UNC5C: variants seen among roughly 807,000 people sequenced by gnomAD.
UNC5C encodes the protein unc-5 netrin receptor C, also known as netrin receptor UNC5C.
UNC5C carries 47 observed loss-of-function variants against 99.8 expected under a neutral mutation model. The observed-to-expected ratio is 0.47, with a 90% CI of 0.37 to 0.60. The LOEUF (loss-of-function observed/expected upper bound fraction) is 0.60, where lower values mean the gene tolerates loss of function less well. Ranked by LOEUF, UNC5C falls within the 20% of genes least tolerant of loss-of-function variation. The probability of loss-of-function intolerance (pLI) is 0.00; values close to 1 mark genes in which losing one functional copy is unlikely to be tolerated. For synonymous variants in UNC5C, 487 were observed against 452.2 expected, an observed-to-expected ratio of 1.08 and a Z score of -0.98; for missense variants, 1,062 against 1,165.9, an observed-to-expected ratio of 0.91 and a Z score of 1.30.
intron 4 of UNC5C, among the ~76,000 whole-genome samples, chr4:95,257,897 A>G (rs1740067748): frequency 6.6e-6 from 1 of 152,250 alleles, no homozygotes; most frequent in Non-Finnish European, 1.5e-5. Context: ...ATTGTGGCTT[A>G]GATAAAAATG....
chr4:95,547,036 G>C (rs2149498278), intron 1 of UNC5C, among the ~76,000 whole-genome samples: 1 of 152,036 alleles, frequency 6.6e-6, no homozygotes, highest in Non-Finnish European at 1.5e-5. Flanking sequence ...TATTCATAAG[G>C]TTGTTCACTT....
At chr4:95,268,013 G>C (rs1437627807) in intron 4 of UNC5C, among the ~76,000 whole-genome samples, 3 of 144,864 alleles carry the variant, frequency 2.1e-5, no homozygotes, top group African/African-American at 5.3e-5. Flanking sequence ...GCAGTGGCGC[G>C]ATCTCGGCTC....
intron 1 of UNC5C, among the ~76,000 whole-genome samples, chr4:95,419,787 A>G (rs1746266786): frequency 6.6e-6 from 1 of 152,046 alleles, no homozygotes; most frequent in South Asian, 2.1e-4. Context: ...GAACATTTAT[A>G]AAATAGCAAC....
intron 14 of UNC5C, among the ~76,000 whole-genome samples, chr4:95,170,644 G>A (rs1187492829): frequency 6.6e-6 from 1 of 152,172 alleles, no homozygotes; most frequent in East Asian, 1.9e-4. Context: ...GATTCTCCAG[G>A]CTGAGAGAGA....
chr4:95,269,873 C>T (rs1389637636), intron 4 of UNC5C, among the ~76,000 whole-genome samples: 3 of 151,930 alleles, frequency 2.0e-5, no homozygotes, highest in Admixed American at 6.6e-5. Flanking sequence ...CCACCACGCC[C>T]GGCTAATTTT....
chr4:95,284,830 T>C (rs898992766), intron 3 of UNC5C, among the ~76,000 whole-genome samples: 7 of 152,162 alleles, frequency 4.6e-5, no homozygotes, highest in Non-Finnish European at 1.0e-4. Flanking sequence ...CCAATGTGCG[T>C]ATTTACAAAA....
At chr4:95,303,038 G>A (rs1356734856) in intron 2 of UNC5C, among the ~76,000 whole-genome samples, 1 of 152,152 alleles carries the variant, frequency 6.6e-6, no homozygotes, top group Admixed American at 6.5e-5. Context: ...GGAGGGACAG[G>A]ACATATGGGA....
chr4:95,330,034 T>C (rs531018294), intron 2 of UNC5C, among the ~76,000 whole-genome samples: 1 of 152,310 alleles, frequency 6.6e-6, no homozygotes, highest in African/African-American at 2.4e-5. Flanking sequence ...CCTATCTTGT[T>C]ATATCAATTC....
In UNC5C at chr4:95,307,530, C is replaced by A. The variant is rs533858434; in HGVS notation, c.347-5781G>T. 3.8e-4 allele frequency among the ~76,000 whole-genome samples: 58 copies of A among 152,214 alleles called. No homozygotes were observed. The Middle Eastern group carries it at 0.01, about 27-fold the overall frequency. On this transcript the variant is annotated intron_variant, in intron 2 of 15. Transcript: ENST00000453304. ...TTCCCATCAAATAAAGGCCCAGGAC[C>A]TGCACTTTTATTTAAGAAGAACTAA...
At chr4:95,313,132 G>C (rs926867669) in intron 2 of UNC5C, among the ~76,000 whole-genome samples, 14 of 152,166 alleles carry the variant, frequency 9.2e-5, no homozygotes, top group African/African-American at 1.7e-4. Context: ...TTCAGGAAGA[G>C]AGAATAGCAT....
At chr4:95,471,716 C>A in intron 1 of UNC5C, among the ~76,000 whole-genome samples, 1 of 152,094 alleles carries the variant, frequency 6.6e-6, no homozygotes, top group East Asian at 1.9e-4. Flanking sequence ...ATAACTTTAA[C>A]AGTTTTGAGG....
intron 5 of UNC5C, among the ~76,000 whole-genome samples, chr4:95,246,224 C>G (rs2149380128): frequency 6.6e-6 from 1 of 152,244 alleles, no homozygotes; most frequent in African/African-American, 2.4e-5. Flanking sequence ...TAATGGACTC[C>G]TGGACAGCCA....
chr4:95,208,583 T>TCAGA (rs58019201), intron 10 of UNC5C, among the ~76,000 whole-genome samples: 7,876 of 152,316 alleles, frequency 0.052, 290 homozygotes, highest in Non-Finnish European at 0.078. Context: ...GCTTGCCATT[T>TCAGA]ATGTTCTCAT....
At chr4:95,497,468 T>C (rs1031323389) in intron 1 of UNC5C, among the ~76,000 whole-genome samples, 31 of 151,984 alleles carry the variant, frequency 2.0e-4, no homozygotes, top group African/African-American at 7.0e-4. Context: ...GTTTATTCAA[T>C]GATCATTCAC....
At chr4:95,495,321 T>G (rs6532561) in intron 1 of UNC5C, among the ~76,000 whole-genome samples, 1 of 151,184 alleles carries the variant, frequency 6.6e-6, no homozygotes, top group African/African-American at 2.4e-5. Flanking sequence ...GTACCCAGTA[T>G]AGAGGTCAGG....
chr4:95,419,893 G>A lies in UNC5C; in HGVS notation c.125-84262C>T, dbSNP rs544515488. Among the ~76,000 whole-genome samples, 5 of 151,822 alleles carry A rather than the reference G, an allele frequency of 3.3e-5. 1 individual carries two copies. Among genetic ancestry groups the A allele is most frequent in the Admixed American group, 2.0e-4 (3 of 15,210 alleles). ...AACTTAACTCCTAAAATGTAAGCTC[G>A]GAATAGCTCAGATGTTCTTACAGAA... On this transcript the variant is annotated intron_variant, in intron 1 of 15. Coordinates refer to ENST00000453304, the MANE Select transcript of UNC5C (RefSeq NM_003728.4).
At chr4:95,373,795 T>C (rs1279376177) in intron 1 of UNC5C, among the ~76,000 whole-genome samples, 1 of 152,176 alleles carries the variant, frequency 6.6e-6, no homozygotes, top group African/African-American at 2.4e-5. Flanking sequence ...CGAGCTTCCA[T>C]TAATGTCCCT....
chr4:95,276,500 C>T (rs560965134), intron 4 of UNC5C, among the ~76,000 whole-genome samples: 12 of 152,042 alleles, frequency 7.9e-5, no homozygotes, highest in African/African-American at 2.9e-4. Flanking sequence ...GATCTCCCCC[C>T]ACCTAAAGTC....
intron 1 of UNC5C, among the ~76,000 whole-genome samples, chr4:95,429,594 T>C (rs1337263546): frequency 6.6e-6 from 1 of 152,134 alleles, no homozygotes; most frequent in Non-Finnish European, 1.5e-5. Flanking sequence ...GCTGTAAGCT[T>C]TCCATTTCGA....
Sources: gnomAD v4.1 joint callset for allele counts (sites outside exome capture counted in the v4.1 genomes callset) on GRCh38, gnomAD v4.1.1 for gene constraint, MANE v1.5 for transcripts, NCBI Gene and HGNC (gene_info 2026-07-23, HGNC 2026-07-21) for gene names.